Variants in WDR59 observed in about 807,000 individuals in gnomAD.
WDR59 encodes WD repeat domain 59.
In WDR59, 100 loss-of-function variants were observed where a neutral mutation model predicts 131.2. The observed-to-expected ratio is 0.76, with a 90% CI of 0.65 to 0.90. The LOEUF (loss-of-function observed/expected upper bound fraction) is 0.90, where lower values mean the gene tolerates loss of function less well. Among genes scored for constraint, WDR59 ranks in the 40% least tolerant of loss-of-function variants. The pLI, the probability that WDR59 is intolerant of heterozygous loss-of-function variation, is 0.00. For missense variants in WDR59, 1,203 were observed against 1,262.2 expected (o/e 0.95, Z 0.71); for synonymous variants, 601 against 466.2 (o/e 1.29, Z -3.72).
At chr16:74,913,431 T>C (rs1966205738) in intron 13 of WDR59, among the ~76,000 whole-genome samples, 1 of 151,770 alleles carries the variant, frequency 6.6e-6, no homozygotes, top group South Asian at 2.1e-4. Context: ...AGCAAATCTT[T>C]GTTTTGTTGT....
intron 8 of WDR59, among the ~76,000 whole-genome samples, chr16:74,931,434 T>C (rs1461688625): frequency 1.3e-5 from 2 of 152,088 alleles, no homozygotes; most frequent in African/African-American, 4.8e-5. Flanking sequence ...CTCTTGGGCT[T>C]GAGCTATTCT....
chr16:74,938,521 T>C lies in WDR59; in HGVS notation c.535-255A>G, dbSNP rs996271797. On this transcript the variant is annotated intron_variant, in intron 7 of 25. Transcript: ENST00000262144. ...TCCCACTTCAATGAAGGATACAAGG[T>C]AGTAGGTGCTTTTCACCCCCTTTTT... 2.0e-5 allele frequency among the ~76,000 whole-genome samples: 3 copies of C among 152,084 alleles called. No individual in the cohort carries two copies. The East Asian group carries it at 5.8e-4, about 29-fold the overall frequency.
At chr16:74,922,605 C>T (rs866985978) in intron 9 of WDR59, among the ~76,000 whole-genome samples, 4 of 152,144 alleles carry the variant, frequency 2.6e-5, no homozygotes, top group Non-Finnish European at 4.4e-5. Flanking sequence ...AAAACTTGCT[C>T]GCTTCAGGAC....
At position 74,890,562 on chromosome 16, in the gene WDR59, A is replaced by G. The variant is rs545833020; in HGVS notation, c.2083-747T>C. Among the ~76,000 whole-genome samples, 4 of 152,340 alleles carry G rather than the reference A, an allele frequency of 2.6e-5. No homozygotes were observed. The East Asian group carries it at 7.7e-4, about 29-fold the overall frequency. On this transcript the variant is annotated intron_variant, in intron 20 of 25. Transcript: ENST00000262144. ...TGTCCCTCTTTTCCTAAATAATGAA[A>G]GACTTTGTTGCCTTCATTATAAAAG... is the stretch of plus-strand genomic sequence containing the variant.
chr16:74,915,609 T>G, intron 13 of WDR59: 4 of 268,028 alleles, frequency 1.5e-5, no homozygotes, highest in East Asian at 7.2e-5. Context: ...GGAGACAGGG[T>G]TTCACCATGT....
intron 1 of WDR59, among the ~76,000 whole-genome samples, chr16:74,976,517 C>A (rs556003904): frequency 9.8e-4 from 149 of 151,714 alleles, no homozygotes; most frequent in African/African-American, 3.0e-3. Flanking sequence ...ATCTTGGCTC[C>A]CTGAACCTCC....
intron 17 of WDR59, among the ~76,000 whole-genome samples, chr16:74,904,527 A>C (rs1965707912): frequency 6.6e-6 from 1 of 152,232 alleles, no homozygotes; most frequent in South Asian, 2.1e-4. Context: ...ATTAAAGGAG[A>C]CATACAACGA....
intron 24 of WDR59, 46 bp downstream of exon 24, chr16:74,886,224 T>C (rs1274676080): frequency 1.3e-6 from 2 of 1,546,752 alleles, no homozygotes; most frequent in East Asian, 4.5e-5. Context: ...ACTGGAGTCC[T>C]GCCTGGAGTC....
At chr16:74,930,084 G>A (rs987369891) in intron 8 of WDR59, among the ~76,000 whole-genome samples, 1 of 152,076 alleles carries the variant, frequency 6.6e-6, no homozygotes, top group Non-Finnish European at 1.5e-5. Flanking sequence ...TGGTTAATGG[G>A]TAGAAAAATA....
At chr16:74,888,702 G>C (rs1221053003) in intron 21 of WDR59, among the ~76,000 whole-genome samples, 1 of 152,158 alleles carries the variant, frequency 6.6e-6, no homozygotes, top group East Asian at 1.9e-4. Context: ...ACTGCTTTTG[G>C]GGGATTCCCA....
chr16:74,924,070 C>T (rs1218744166), intron 8 of WDR59, 67 bp from the exon 9 acceptor site: 1 of 1,500,318 alleles, frequency 6.7e-7, no homozygotes, highest in East Asian at 2.3e-5. Flanking sequence ...GAAATAAGCA[C>T]AGCCTTTGAA....
intron 3 of WDR59, among the ~76,000 whole-genome samples, chr16:74,955,349 G>C (rs368785547): frequency 3.3e-5 from 5 of 152,096 alleles, no homozygotes; most frequent in African/African-American, 1.2e-4. Flanking sequence ...GCAACGCACA[G>C]GACAGCCCCA....
chr16:74,927,405 T>C (rs2030921670), intron 8 of WDR59, among the ~76,000 whole-genome samples: 1 of 151,890 alleles, frequency 6.6e-6, no homozygotes. Context: ...CTGGCCAACA[T>C]GGCAAAACCC....
At position 74,938,184 on chromosome 16, in the gene WDR59, A is replaced by T; in HGVS notation, c.617T>A (p.Ile206Asn). Residue 206 changes from isoleucine to asparagine, a missense_variant, in exon 8 of 26, where the codon ATT (isoleucine) becomes AAT (asparagine). By Grantham distance (149) the Ile-to-Asn change is moderately radical. Transcript: ENST00000262144. ...GLDWHPDSEH[I>N]LATSSQDNSV... ...ATTGTCTTGACTGGAGGTAGCAAGA[A>T]TGTGCTCGCTGTCTGGGTGCCAGTC... 2 of 1,579,574 alleles carry T rather than the reference A, an allele frequency of 1.3e-6. No homozygotes were observed.
intron 8 of WDR59, among the ~76,000 whole-genome samples, chr16:74,931,212 T>C (rs926078493): frequency 6.6e-6 from 1 of 152,120 alleles, no homozygotes; most frequent in South Asian, 2.1e-4. Context: ...TATGTAACTA[T>C]TTATATGAAT....
At chr16:74,959,088 G>C (rs575319814) in intron 2 of WDR59, among the ~76,000 whole-genome samples, 1 of 152,156 alleles carries the variant, frequency 6.6e-6, no homozygotes, top group Non-Finnish European at 1.5e-5. Context: ...AGAGGGTTAT[G>C]TGCAACCCAT....
intron 5 of WDR59, among the ~76,000 whole-genome samples, chr16:74,948,801 G>A (rs1385910759): frequency 6.6e-6 from 1 of 152,086 alleles, no homozygotes; most frequent in Non-Finnish European, 1.5e-5. Flanking sequence ...CAGAGTTCGA[G>A]ACCAGCCTGA....
intron 21 of WDR59, 157 bp downstream of exon 21, chr16:74,889,546 T>C (rs972535267): frequency 1.8e-5 from 11 of 614,642 alleles, no homozygotes; most frequent in East Asian, 1.4e-4. Context: ...AAGTTTGTTC[T>C]GCACAGAAAT....
intron 10 of WDR59, among the ~76,000 whole-genome samples, chr16:74,918,491 T>C (rs553934864): frequency 2.6e-5 from 4 of 152,188 alleles, no homozygotes; most frequent in African/African-American, 9.7e-5. Context: ...TTATTTCAAA[T>C]GCATCATGGC....
Sources: allele counts gnomAD v4.1 joint callset (sites outside exome capture counted in the v4.1 genomes callset), GRCh38; gene constraint gnomAD v4.1.1; transcripts MANE v1.5; gene names NCBI Gene and HGNC (gene_info 2026-07-23, HGNC 2026-07-21).